The following RARB variants were observed in gnomAD, a reference collection of about 807,000 sequenced individuals.
RARB encodes the protein HBV-activated protein.
A neutral mutation model predicts 51.9 loss-of-function variants in RARB; 17 were observed. That is an observed-to-expected ratio of 0.33 (90% CI 0.22 to 0.49). The LOEUF (loss-of-function observed/expected upper bound fraction) is 0.49. RARB is among the 20% of genes least tolerant of loss of function. The probability of loss-of-function intolerance (pLI) is 0.99; values close to 1 mark genes in which losing one functional copy is unlikely to be tolerated. For missense variants in RARB, 369 were observed against 550.8 expected, an observed-to-expected ratio of 0.67 and a Z score of 3.30; for synonymous variants, 215 against 195.4, an observed-to-expected ratio of 1.10 and a Z score of -0.84.
intron 5 of RARB, among the ~76,000 whole-genome samples, chr3:25,216,509 C>G (rs1356991400): frequency 6.6e-6 from 1 of 151,846 alleles, no homozygotes; most frequent in African/African-American, 2.4e-5. Flanking sequence ...ACTGCATGTT[C>G]TCACTCATAA....
chr3:25,146,296 G>C (rs900358141), intron 4 of RARB, among the ~76,000 whole-genome samples: 1 of 152,076 alleles, frequency 6.6e-6, no homozygotes, highest in Non-Finnish European at 1.5e-5. Context: ...TTCCTAGAAT[G>C]GGCCAGATAG....
intron 2 of RARB, among the ~76,000 whole-genome samples, chr3:25,004,289 A>T (rs1430023980): frequency 6.6e-6 from 1 of 152,196 alleles, no homozygotes; most frequent in Admixed American, 6.6e-5. Context: ...GAGAAAAATC[A>T]AATAGGATTT....
At chr3:24,837,517 T>C (rs1301550624) in intron 1 of RARB, among the ~76,000 whole-genome samples, 1 of 152,254 alleles carries the variant, frequency 6.6e-6, no homozygotes, top group Non-Finnish European at 1.5e-5. Context: ...TTAGAGTAGA[T>C]AGCTTTTTGC....
At chr3:25,171,375 A>G (rs1323544567) in intron 4 of RARB, among the ~76,000 whole-genome samples, 3 of 150,314 alleles carry the variant, frequency 2.0e-5, no homozygotes, top group Admixed American at 1.3e-4. Context: ...ATATGTGAAC[A>G]TAGACCCAGT....
chr3:25,237,127 T>C (rs1411378971), intron 5 of RARB, among the ~76,000 whole-genome samples: 6 of 152,078 alleles, frequency 3.9e-5, no homozygotes, highest in Admixed American at 3.9e-4. Context: ...AGATTTTCTT[T>C]AATAGTTAAA....
At chr3:25,412,345 C>A (rs1408590331) in intron 5 of RARB, among the ~76,000 whole-genome samples, 1 of 151,956 alleles carries the variant, frequency 6.6e-6, no homozygotes, top group East Asian at 1.9e-4. Flanking sequence ...ACCAAGGGGG[C>A]CTAGTTATAT....
intron 1 of RARB, among the ~76,000 whole-genome samples, chr3:25,430,335 C>T (rs1393052725): frequency 6.6e-6 from 1 of 152,208 alleles, no homozygotes. Flanking sequence ...AGAGACTTTT[C>T]AGACCTGTCC....
At chr3:24,851,083 C>T (rs778640218) in intron 1 of RARB, among the ~76,000 whole-genome samples, 1 of 152,060 alleles carries the variant, frequency 6.6e-6, no homozygotes, top group Non-Finnish European at 1.5e-5. Flanking sequence ...ATTTAAATGA[C>T]AAAGGGTAGA....
chr3:25,000,002 G>GCC lies in RARB; in HGVS notation c.-379-60123_-379-60122insCC, dbSNP rs566587956. On this transcript the variant is annotated intron_variant, in intron 2 of 11. Transcript: ENST00000383772. Reference sequence around the variant, plus strand: ...AATCATAAATTCACTCCTGAGATCTGTCCAGGAGAAGTGGGGACATTGGCT... The same window carrying GCC: ...AATCATAAATTCACTCCTGAGATCTGCCTCCAGGAGAAGTGGGGACATTGGCT... 5.2e-4 allele frequency among the ~76,000 whole-genome samples: 29 copies of GCC among 56,074 alleles called. No individual in the cohort carries two copies. The East Asian group carries it at 0.047, about 90-fold the overall frequency. 36.8% of individuals were successfully genotyped at this position (56,074 alleles called of 152,430 possible). A position where few individuals can be genotyped will look rare whatever the true frequency, so the allele number is the denominator to read the frequency against.
chr3:24,945,842 C>A (rs925066743), intron 2 of RARB, among the ~76,000 whole-genome samples: 43 of 152,316 alleles, frequency 2.8e-4, no homozygotes, highest in Admixed American at 2.6e-3. Flanking sequence ...GGATGGTGAA[C>A]AACAAGGCCA....
At chr3:25,094,055 A>G (rs891646848) in intron 3 of RARB, among the ~76,000 whole-genome samples, 2 of 152,184 alleles carry the variant, frequency 1.3e-5, no homozygotes, top group Admixed American at 1.3e-4. Context: ...GTAAGTGGGT[A>G]TGGTCCAGAC....
intron 3 of RARB, among the ~76,000 whole-genome samples, chr3:25,116,059 A>C (rs1181122475): frequency 6.6e-6 from 1 of 152,166 alleles, no homozygotes; most frequent in Admixed American, 6.6e-5. Flanking sequence ...AGAACATTCA[A>C]GTGTTTGACA....
intron 5 of RARB, among the ~76,000 whole-genome samples, chr3:25,402,061 C>A (rs7639526): frequency 9.2e-5 from 14 of 152,030 alleles, no homozygotes; most frequent in South Asian, 6.2e-4. Flanking sequence ...CAGGAGTGAG[C>A]CACTGCACCC....
At chr3:25,009,850 G>A (rs1035939659) in intron 2 of RARB, among the ~76,000 whole-genome samples, 9 of 152,050 alleles carry the variant, frequency 5.9e-5, no homozygotes, top group Non-Finnish European at 1.0e-4. Flanking sequence ...TTTAGGGGAA[G>A]CAGTGGAAGG....
At chr3:24,893,924 T>C (rs1276084132) in intron 2 of RARB, among the ~76,000 whole-genome samples, 3 of 152,180 alleles carry the variant, frequency 2.0e-5, no homozygotes, top group African/African-American at 7.2e-5. Context: ...CTACAAAAGC[T>C]CAAAACAATT....
intron 3 of RARB, among the ~76,000 whole-genome samples, chr3:25,507,465 C>A (rs1326569690): frequency 6.6e-6 from 1 of 152,256 alleles, no homozygotes; most frequent in East Asian, 1.9e-4. Context: ...TGACTAACAG[C>A]CCAGGCGTGA....
intron 5 of RARB, among the ~76,000 whole-genome samples, chr3:25,367,565 C>T (rs901013273): frequency 1.3e-5 from 2 of 151,532 alleles, no homozygotes; most frequent in Non-Finnish European, 2.9e-5. Context: ...CCTTTAACCT[C>T]ATTACTTTGG....
intron 5 of RARB, among the ~76,000 whole-genome samples, chr3:25,275,418 G>T (rs1458768794): frequency 1.3e-5 from 2 of 152,118 alleles, no homozygotes; most frequent in Non-Finnish European, 2.9e-5. Flanking sequence ...CCGTGATTGG[G>T]CCACTGCACT....
At chr3:24,905,186 G>T (rs1490073058) in intron 2 of RARB, among the ~76,000 whole-genome samples, 1 of 152,164 alleles carries the variant, frequency 6.6e-6, no homozygotes, top group Non-Finnish European at 1.5e-5. Flanking sequence ...AGGTGAATCT[G>T]TGACTCATTT....
Sources: gnomAD v4.1 joint callset for allele counts (sites outside exome capture counted in the v4.1 genomes callset) on GRCh38, gnomAD v4.1.1 for gene constraint, MANE v1.5 for transcripts, NCBI Gene and HGNC (gene_info 2026-07-23, HGNC 2026-07-21) for gene names.